GRID2: variants seen among roughly 807,000 people sequenced by gnomAD.
GRID2 encodes the protein glutamate ionotropic receptor delta type subunit 2.
Under a neutral mutation model 114.8 loss-of-function variants are expected in GRID2, and 33 were observed. That is an observed-to-expected ratio of 0.29 (90% CI 0.22 to 0.38). The LOEUF (loss-of-function observed/expected upper bound fraction) is 0.38. Among genes scored for constraint, GRID2 ranks in the 10% least tolerant of loss-of-function variants. The pLI is 1.00. For synonymous variants in GRID2, 505 were observed against 449.9 expected (o/e 1.12, Z -1.55); for missense variants, 1,184 against 1,257.7 (o/e 0.94, Z 0.89).
chr4:92,487,097 A>G (rs1722933893), intron 1 of GRID2, among the ~76,000 whole-genome samples: 1 of 151,820 alleles, frequency 6.6e-6, no homozygotes, highest in Non-Finnish European at 1.5e-5. Context: ...CAGGTATACT[A>G]TTTTTGCTGA....
chr4:93,022,130 A>G (rs1433762357), intron 2 of GRID2, among the ~76,000 whole-genome samples: 1 of 151,846 alleles, frequency 6.6e-6, no homozygotes, highest in Non-Finnish European at 1.5e-5. Context: ...ATATTCTTTC[A>G]TAAATACATG....
chr4:93,524,168 C>T (rs886819314), intron 13 of GRID2, among the ~76,000 whole-genome samples: 2 of 152,022 alleles, frequency 1.3e-5, no homozygotes, highest in African/African-American at 4.8e-5. Flanking sequence ...CTGAAAATGG[C>T]TTGGGGTAAA....
At chr4:93,749,270 A>G (rs1732111041) in intron 14 of GRID2, among the ~76,000 whole-genome samples, 1 of 152,200 alleles carries the variant, frequency 6.6e-6, no homozygotes, top group Admixed American at 6.5e-5. Context: ...TTATGACACA[A>G]GGGCTTTTAG....
At chr4:93,467,119 CT>C (rs1724356191) in intron 11 of GRID2, among the ~76,000 whole-genome samples, 1 of 152,098 alleles carries the variant, frequency 6.6e-6, no homozygotes, top group South Asian at 2.1e-4. Context: ...AAATTTGTTT[CT>C]TTGATCTGAG....
intron 1 of GRID2, among the ~76,000 whole-genome samples, chr4:92,343,937 G>A (rs368593177): frequency 9.9e-5 from 15 of 152,262 alleles, no homozygotes; most frequent in African/African-American, 3.6e-4. Flanking sequence ...GGAAGAAAAA[G>A]TATATTTTAT....
At chr4:92,675,707 C>T (rs114660433) in intron 2 of GRID2, among the ~76,000 whole-genome samples, 6,549 of 152,024 alleles carry the variant, frequency 0.043, 209 homozygotes, top group Non-Finnish European at 0.059. Flanking sequence ...TCCGCCACGA[C>T]GCCTGGCTAA....
At chr4:92,789,901 C>T (rs1256668425) in intron 2 of GRID2, among the ~76,000 whole-genome samples, 1 of 151,714 alleles carries the variant, frequency 6.6e-6, no homozygotes, top group Non-Finnish European at 1.5e-5. Context: ...TTGTTTTGTT[C>T]AAAGATATGT....
At chr4:92,862,233 A>G (rs1421146530) in intron 2 of GRID2, among the ~76,000 whole-genome samples, 1 of 152,012 alleles carries the variant, frequency 6.6e-6, no homozygotes, top group Non-Finnish European at 1.5e-5. Flanking sequence ...CTCTAATTTC[A>G]TAGTACATTT....
At chr4:92,406,953 T>C (rs988311136) in intron 1 of GRID2, among the ~76,000 whole-genome samples, 1 of 151,926 alleles carries the variant, frequency 6.6e-6, no homozygotes, top group East Asian at 1.9e-4. Context: ...TGAAACTGGG[T>C]AATTTATATA....
intron 4 of GRID2, among the ~76,000 whole-genome samples, chr4:93,129,285 A>G (rs1002276429): frequency 2.0e-5 from 3 of 152,202 alleles, no homozygotes; most frequent in African/African-American, 7.2e-5. Context: ...GAAAATAATA[A>G]TAAGAATAGG....
intron 2 of GRID2, among the ~76,000 whole-genome samples, chr4:92,686,434 T>C (rs1733908991): frequency 6.6e-6 from 1 of 152,124 alleles, no homozygotes; most frequent in African/African-American, 2.4e-5. Flanking sequence ...TCCAATGTTA[T>C]CAAATGTCAG....
intron 11 of GRID2, among the ~76,000 whole-genome samples, chr4:93,457,809 A>C (rs868505133): frequency 1.3e-5 from 2 of 152,296 alleles, no homozygotes; most frequent in Middle Eastern, 6.8e-3. Context: ...TTACTGAAAA[A>C]ATAAAACAGA....
At chr4:93,112,920 C>T (rs1214421564) in intron 4 of GRID2, among the ~76,000 whole-genome samples, 1 of 152,142 alleles carries the variant, frequency 6.6e-6, no homozygotes, top group Non-Finnish European at 1.5e-5. Flanking sequence ...AGGGTTCACC[C>T]TAATGACCTA....
chr4:92,402,469 C>G (rs1730831710), intron 1 of GRID2, among the ~76,000 whole-genome samples: 1 of 152,142 alleles, frequency 6.6e-6, no homozygotes, highest in Admixed American at 6.5e-5. Context: ...CTATTTGATT[C>G]ATGGGCTGAA....
intron 1 of GRID2, among the ~76,000 whole-genome samples, chr4:92,482,737 A>T (rs1340885119): frequency 6.6e-6 from 1 of 152,206 alleles, no homozygotes; most frequent in African/African-American, 2.4e-5. Context: ...GGCTGAAAGA[A>T]TCTAGAGACG....
At chr4:92,972,675 G>T (rs1454925545) in intron 2 of GRID2, among the ~76,000 whole-genome samples, 4 of 151,790 alleles carry the variant, frequency 2.6e-5, no homozygotes, top group Admixed American at 2.6e-4. Flanking sequence ...GTGTCATGGG[G>T]GTTTGTTGTA....
At chr4:92,725,853 T>A (rs1736042680) in intron 2 of GRID2, among the ~76,000 whole-genome samples, 1 of 152,146 alleles carries the variant, frequency 6.6e-6, no homozygotes, top group Non-Finnish European at 1.5e-5. Flanking sequence ...TTAATGCAGT[T>A]ATATAGAGAT....
intron 2 of GRID2, among the ~76,000 whole-genome samples, chr4:92,816,632 G>T (rs748298349): frequency 6.6e-6 from 1 of 152,060 alleles, no homozygotes; most frequent in South Asian, 2.1e-4. Context: ...GAAATGATGC[G>T]TAAATATTTG....
In GRID2 at chr4:92,390,245, C is replaced by G. The variant is rs551468662; in HGVS notation, c.88+85501C>G. On this transcript the variant is annotated intron_variant, in intron 1 of 15. Transcript: ENST00000282020. Reference sequence around the variant, plus strand: ...ATGTACTCACTTCATTTACCTTCAACAACAAACCAGTGAATAGAAATGACT... The same window carrying G: ...ATGTACTCACTTCATTTACCTTCAAGAACAAACCAGTGAATAGAAATGACT... Among the ~76,000 whole-genome samples, 2 of 152,202 alleles carry G rather than the reference C, an allele frequency of 1.3e-5. 1 individual carries two copies. The highest frequency in any genetic ancestry group is 4.1e-4 in the South Asian group (2 of 4,826).
Sources: allele counts gnomAD v4.1 joint callset (sites outside exome capture counted in the v4.1 genomes callset), GRCh38; gene constraint gnomAD v4.1.1; transcripts MANE v1.5; gene names NCBI Gene and HGNC (gene_info 2026-07-23, HGNC 2026-07-21).